ZFAND5: variants seen among roughly 807,000 people sequenced by gnomAD.
ZFAND5 encodes the protein zinc finger AN1-type containing 5, also known as AN1-type zinc finger protein 5.
In ZFAND5, 4 loss-of-function variants were observed where a neutral mutation model predicts 23.6. That is an observed-to-expected ratio of 0.17 (90% CI 0.08 to 0.39). ZFAND5 has a LOEUF of 0.39. Ranked by LOEUF, ZFAND5 falls within the 10% of genes least tolerant of loss-of-function variation. ZFAND5 has a pLI of 1.00. For missense variants in ZFAND5, 161 were observed against 253.7 expected (o/e 0.63, Z 2.48); for synonymous variants, 68 against 80.6 (o/e 0.84, Z 0.84).
chr9:72,364,405 GC>G (rs1348038869), intron 1 of ZFAND5: 7 of 1,204,904 alleles, frequency 5.8e-6, no homozygotes, highest in Non-Finnish European at 7.3e-6. Context: ...CGCCGCGGAG[GC>G]GAGCGGCCTA....
At chr9:72,363,058 A>G (rs1842150379) in intron 2 of ZFAND5, among the ~76,000 whole-genome samples, 1 of 152,224 alleles carries the variant, frequency 6.6e-6, no homozygotes, top group African/African-American at 2.4e-5. Context: ...AATCTAGAAG[A>G]TGAAAGCATA....
chr9:72,358,457 T>C (rs949860280), intron 5 of ZFAND5, among the ~76,000 whole-genome samples: 1 of 152,058 alleles, frequency 6.6e-6, no homozygotes, highest in African/African-American at 2.4e-5. Context: ...TAATAATAAA[T>C]GCAGACTAGC....
chr9:72,358,270 T>C (rs1378604119), intron 5 of ZFAND5, among the ~76,000 whole-genome samples: 1 of 152,068 alleles, frequency 6.6e-6, no homozygotes, highest in Non-Finnish European at 1.5e-5. Flanking sequence ...TATCCTGATG[T>C]CATGAGGATA....
intron 3 of ZFAND5, 148 bp downstream of exon 3, chr9:72,360,480 C>T: frequency 9.3e-7 from 1 of 1,073,048 alleles, no homozygotes; most frequent in Non-Finnish European, 1.4e-6. Context: ...CCTGATCAGT[C>T]ATGTCAAGCA....
At position 72,357,103 on chromosome 9, in the gene ZFAND5, AT is replaced by A. The variant is rs771753644; in HGVS notation, c.368-48del. On this transcript the variant is annotated intron_variant, in intron 5 of 6. Coordinates refer to ENST00000376962, the MANE Select transcript of ZFAND5 (RefSeq NM_001102420.3). Reference sequence around the variant, plus strand: ...ATTTGTCAAGCATTCACTGGCTAACATTTTTAAGTCAAAAAAGGAAGTATTT... The same window carrying A: ...ATTTGTCAAGCATTCACTGGCTAACATTTTAAGTCAAAAAAGGAAGTATTT... 1.9e-6 allele frequency: 3 copies of A among 1,587,142 alleles called. No individual in the cohort carries two copies. The Admixed American group carries it at 5.4e-5, about 29-fold the overall frequency.
rs929610152 is a variant in ZFAND5, at chr9:72,354,584, A to C, written c.*1369T>G. ...CATCTGCAGGTCTAACTCAGAACTA[A>C]GGTACATAAAATTGAAAGCAAAACT... On this transcript the variant is annotated 3_prime_UTR_variant, in exon 7 of 7. Coordinates refer to ENST00000376962, the MANE Select transcript of ZFAND5 (RefSeq NM_001102420.3). The C allele has an allele frequency of 6.6e-6, 1 of 152,660 alleles. No homozygotes were observed. Among genetic ancestry groups the C allele is most frequent in the Non-Finnish European group, 1.5e-5 (1 of 68,034 alleles). The allele number at this position is 152,660 out of a possible 1,614,324, so 9.5% of individuals were successfully genotyped here.
In ZFAND5 at chr9:72,363,583, C is replaced by T; in HGVS notation, c.-123G>A. ...TCTTTGCCAAATGGAGTAGAATTGACTTTTAAAGGCTCCTTTTCAGGGCCT... is the reference window on the plus strand; with the variant it reads ...TCTTTGCCAAATGGAGTAGAATTGATTTTTAAAGGCTCCTTTTCAGGGCCT... On this transcript the variant is annotated 5_prime_UTR_variant, in exon 2 of 7. Coordinates refer to ENST00000376962, the MANE Select transcript of ZFAND5 (RefSeq NM_001102420.3). 4 of 970,864 alleles carry T rather than the reference C, an allele frequency of 4.1e-6. No homozygotes were observed. Among genetic ancestry groups the T allele is most frequent in the Non-Finnish European group, 4.9e-6 (4 of 816,614 alleles). The allele number at this position is 970,864 out of a possible 1,614,324, so 60.1% of individuals were successfully genotyped here. A position where few individuals can be genotyped will look rare whatever the true frequency, so the allele number is the denominator to read the frequency against.
intron 3 of ZFAND5, 155 bp downstream of exon 3, chr9:72,360,473 G>C (rs1587876836): frequency 6.8e-6 from 7 of 1,022,696 alleles, no homozygotes; most frequent in South Asian, 6.1e-5. Flanking sequence ...ATTCATTCCT[G>C]ATCAGTCATG....
rs1842030277 is a variant in ZFAND5, at chr9:72,359,283, T to A, written c.367+135A>T. On this transcript the variant is annotated intron_variant, in intron 5 of 6. Transcript: ENST00000376962. ...ATACTCAAGATACTTTTAAAGATAGTAGTTCTTTGCTTGGCCTATATTTTA... is the reference window on the plus strand; with the variant it reads ...ATACTCAAGATACTTTTAAAGATAGAAGTTCTTTGCTTGGCCTATATTTTA... 5.6e-6 allele frequency: 4 copies of A among 712,168 alleles called. 1 individual carries two copies. In the South Asian group the frequency reaches 7.7e-5, roughly 14 times the overall value. 44.1% of individuals were successfully genotyped at this position (712,168 alleles called of 1,614,324 possible). A position where few individuals can be genotyped will look rare whatever the true frequency, so the allele number is the denominator to read the frequency against.
Position 72,355,911 on chromosome 9 carries a change from T to C in ZFAND5, c.*42A>G, listed in dbSNP as rs1294252480. ...CTCTTTAATGTTTTCCTACGATATA[T>C]TAAAATAAAAACAAAGTTTCAGTCT... On this transcript the variant is annotated 3_prime_UTR_variant, in exon 7 of 7. Transcript: ENST00000376962. The C allele has an allele frequency of 1.3e-6, 2 of 1,565,618 alleles. No individual in the cohort carries two copies. Among genetic ancestry groups the C allele is most frequent in the East Asian group, 4.5e-5 (2 of 44,434 alleles).
intron 2 of ZFAND5, among the ~76,000 whole-genome samples, chr9:72,361,777 AG>A (rs1842111593): frequency 6.6e-6 from 1 of 152,372 alleles, no homozygotes; most frequent in African/African-American, 2.4e-5. Context: ...TACATATTAA[AG>A]AAAAATTATT....
At chr9:72,356,459 G>A (rs954094897) in intron 6 of ZFAND5, among the ~76,000 whole-genome samples, 2 of 152,210 alleles carry the variant, frequency 1.3e-5, no homozygotes, top group Non-Finnish European at 2.9e-5. Context: ...ATCGACTCCT[G>A]TAGATGCAAC....
chr9:72,351,482 CTG>C lies in ZFAND5; in HGVS notation c.*4469_*4470del, dbSNP rs1841766845. 6.6e-6 allele frequency: 1 copy of C among 152,056 alleles called. No individual in the cohort carries two copies. The highest frequency in any genetic ancestry group is 2.4e-5 in the African/African-American group (1 of 41,412). 9.4% of individuals were successfully genotyped at this position (152,056 alleles called of 1,614,324 possible). On this transcript the variant is annotated 3_prime_UTR_variant, in exon 7 of 7. Transcript: ENST00000376962. ...CTTCTATGGCTGTAACAGAAATACT[CTG>C]GAAGAAAACACAGAAACAGTCTTTG...
At chr9:72,364,475 G>A (rs11143280) in intron 1 of ZFAND5, 19 of 1,279,448 alleles carry the variant, frequency 1.5e-5, no homozygotes, top group Admixed American at 4.7e-5. Context: ...GCTGTGGAGC[G>A]AGCCAGGGAC....
chr9:72,364,668 C>G, intron 1 of ZFAND5, 28 bp downstream of exon 1: 3 of 1,123,392 alleles, frequency 2.7e-6, no homozygotes, highest in Non-Finnish European at 3.3e-6. Flanking sequence ...AGGAGCCCGG[C>G]TCCCACCCGC....
In ZFAND5 at chr9:72,353,981, ATC is replaced by A. The variant is rs1841859404; in HGVS notation, c.*1970_*1971del. 1 of 152,144 alleles carries A rather than the reference ATC, an allele frequency of 6.6e-6. No homozygotes were observed. The highest frequency in any genetic ancestry group is 1.5e-5 in the Non-Finnish European group (1 of 68,024). The allele number at this position is 152,144 out of a possible 1,614,324, so 9.4% of individuals were successfully genotyped here. A position where few individuals can be genotyped will look rare whatever the true frequency, so the allele number is the denominator to read the frequency against. ...GAGAAGCAACAGTTGCACTCTGGTA[ATC>A]ATTTACCCCAGGTAAAGTCAACATG... is the stretch of plus-strand genomic sequence containing the variant. On this transcript the variant is annotated 3_prime_UTR_variant, in exon 7 of 7. Transcript: ENST00000376962.
rs1290286967 is a variant in ZFAND5, at chr9:72,354,548, CTA to C, written c.*1403_*1404del. 6.6e-6 allele frequency: 1 copy of C among 152,556 alleles called. No individual in the cohort carries two copies. The highest frequency in any genetic ancestry group is 1.5e-5 in the Non-Finnish European group (1 of 68,028). 9.5% of individuals were successfully genotyped at this position (152,556 alleles called of 1,614,324 possible). ...ATTATGTGCAATACATAAATATGAA[CTA>C]TCTGTACACATCTGCAGGTCTAACT... is the stretch of plus-strand genomic sequence containing the variant. On this transcript the variant is annotated 3_prime_UTR_variant, in exon 7 of 7. Coordinates refer to ENST00000376962, the MANE Select transcript of ZFAND5 (RefSeq NM_001102420.3).
Position 72,363,542 on chromosome 9 carries a change from C to A in ZFAND5, c.-82G>T. On this transcript the variant is annotated 5_prime_UTR_variant, in exon 2 of 7. Coordinates refer to ENST00000376962, the MANE Select transcript of ZFAND5 (RefSeq NM_001102420.3). ...GTGACCTTGGGCAAGTCCTTACTTT[C>A]CAGATTTCAGTTCCCTCTTTGCCAA... 1.2e-6 allele frequency: 1 copy of A among 843,306 alleles called. No individual in the cohort carries two copies. Among genetic ancestry groups the A allele is most frequent in the Admixed American group, 6.2e-5 (1 of 16,092 alleles). The allele number at this position is 843,306 out of a possible 1,614,324, so 52.2% of individuals were successfully genotyped here.
chr9:72,355,073 A>G lies in ZFAND5; in HGVS notation c.*880T>C, dbSNP rs530269558. On this transcript the variant is annotated 3_prime_UTR_variant, in exon 7 of 7. Coordinates refer to ENST00000376962, the MANE Select transcript of ZFAND5 (RefSeq NM_001102420.3). ...TAAACATTCTTTCTTGAACCAAAAC[A>G]TTCGACAAAAGATGCACATGAAAAA... The G allele has an allele frequency of 5.9e-5, 9 of 152,812 alleles. No individual in the cohort carries two copies. The highest frequency in any genetic ancestry group is 2.2e-4 in the African/African-American group (9 of 41,594). The allele number at this position is 152,812 out of a possible 1,614,324, so 9.5% of individuals were successfully genotyped here. A position where few individuals can be genotyped will look rare whatever the true frequency, so the allele number is the denominator to read the frequency against.
Sources: allele counts gnomAD v4.1 joint callset (sites outside exome capture counted in the v4.1 genomes callset), GRCh38; gene constraint gnomAD v4.1.1; transcripts MANE v1.5; gene names NCBI Gene and HGNC (gene_info 2026-07-23, HGNC 2026-07-21).